TTC13: variants seen among roughly 807,000 people sequenced by gnomAD.
The protein encoded by TTC13 is tetratricopeptide repeat domain 13, also known as tetratricopeptide repeat protein 13.
In TTC13, 62 loss-of-function variants were observed where a neutral mutation model predicts 120.0. The observed-to-expected ratio is 0.52, with a 90% confidence interval of 0.42 to 0.64. The LOEUF is 0.64. Among genes scored for constraint, TTC13 ranks in the 30% least tolerant of loss-of-function variants. TTC13 has a pLI of 0.00. For missense variants in TTC13, 824 were observed against 1,050.2 expected (o/e 0.78, Z 2.98); for synonymous variants, 384 against 393.5 (o/e 0.98, Z 0.28).
Position 230,940,038 on chromosome 1 carries a change from A to G in TTC13, c.789+402T>C, listed in dbSNP as rs2102874391. On this transcript the variant is annotated intron_variant, in intron 7 of 22. Coordinates refer to ENST00000366661, the MANE Select transcript of TTC13 (RefSeq NM_024525.5). The surrounding 1 kb of genome is among the most constrained non-coding windows in gnomAD (Gnocchi z 4.1). ...AAGCTACAGTCTGGAAAGCCATGCT[A>G]GTTCAGGGTGTGTTTCTTGGGCTGT... Among the ~76,000 whole-genome samples, 1 of 152,318 alleles carries G rather than the reference A, an allele frequency of 6.6e-6. No homozygotes were observed. Among genetic ancestry groups the G allele is most frequent in the East Asian group, 1.9e-4 (1 of 5,184 alleles).
At chr1:230,914,767 T>A (rs1187510270) in intron 18 of TTC13, among the ~76,000 whole-genome samples, 2 of 152,082 alleles carry the variant, frequency 1.3e-5, no homozygotes, top group Non-Finnish European at 2.9e-5. Flanking sequence ...ATATAACATA[T>A]AAAATATATG....
chr1:230,919,015 A>G (rs1395485669), intron 17 of TTC13, among the ~76,000 whole-genome samples: 1 of 152,208 alleles, frequency 6.6e-6, no homozygotes, highest in Non-Finnish European at 1.5e-5. Flanking sequence ...TCACACAGTT[A>G]TAATTCTTAA....
At chr1:230,936,342 T>C (rs543079744) in intron 8 of TTC13, 2 of 429,528 alleles carry the variant, frequency 4.7e-6, no homozygotes, top group Admixed American at 5.3e-5. Flanking sequence ...TGAATCAATC[T>C]CTAAGCATAT....
At position 230,978,836 on chromosome 1, in the gene TTC13, C is replaced by T. The variant is rs1678679832; in HGVS notation, c.-6G>A. The T allele has an allele frequency of 4.1e-6, 6 of 1,469,412 alleles. No individual in the cohort carries two copies. Among genetic ancestry groups the T allele is most frequent in the Non-Finnish European group, 5.4e-6 (6 of 1,120,882 alleles). The allele number at this position is 1,469,412 out of a possible 1,614,324, so 91.0% of individuals were successfully genotyped here. On this transcript the variant is annotated 5_prime_UTR_variant, in exon 1 of 23. Transcript: ENST00000366661. This position sits in a 1 kb window ranked among gnomAD's most constrained non-coding sequence, Gnocchi z 5.6. ...CAGCAGCCGGCAGGTGCCATCTTCCCTCAAGGCGCATGCGCGACAGCCCTT... is the reference window on the plus strand; with the variant it reads ...CAGCAGCCGGCAGGTGCCATCTTCCTTCAAGGCGCATGCGCGACAGCCCTT...
In TTC13 at chr1:230,940,758, G is replaced by A. The variant is rs1674465081; in HGVS notation, c.673-202C>T. On this transcript the variant is annotated intron_variant, in intron 6 of 22. Coordinates refer to ENST00000366661, the MANE Select transcript of TTC13 (RefSeq NM_024525.5). The surrounding 1 kb of genome is among the most constrained non-coding windows in gnomAD (Gnocchi z 4.1). ...CACTAATCTTTGTCCAGTCAAGCAG[G>A]AGGCTGATGAACTATGACTGCAGCA... 6.6e-6 allele frequency among the ~76,000 whole-genome samples: 1 copy of A among 152,176 alleles called. No homozygotes were observed. Among genetic ancestry groups the A allele is most frequent in the African/African-American group, 2.4e-5 (1 of 41,440 alleles).
intron 6 of TTC13, among the ~76,000 whole-genome samples, chr1:230,941,318 C>A (rs1409315225): frequency 3.3e-5 from 5 of 152,124 alleles, no homozygotes; most frequent in African/African-American, 1.2e-4. Flanking sequence ...GTTTTAGAGA[C>A]AGGGTCTCAC....
Position 230,931,456 on chromosome 1 carries a change from T to G in TTC13, c.1142A>C (p.Glu381Ala), listed in dbSNP as rs1215440931. The G allele has an allele frequency of 1.2e-6, 2 of 1,614,000 alleles. No homozygotes were observed. Among genetic ancestry groups the G allele is most frequent in the Non-Finnish European group, 1.7e-6 (2 of 1,180,038 alleles). The change falls in exon 11 of 23, where the codon GAG becomes GCG. Residue 381 changes from glutamate to alanine, a missense_variant. Around this residue, in one of 4 missense-constraint regions of TTC13, gnomAD observed 430 missense variants for 626.8 expected, o/e 0.69. Coordinates refer to ENST00000366661, the MANE Select transcript of TTC13 (RefSeq NM_024525.5). The part of the protein sequence containing the change: ...LKNFKRCLQL[E>A]PYNEVCQYMK... ...ATACTGGCACACTTCATTATATGGCTCTAGCTGCAGACACCGCTGAGGACA... is the reference window on the plus strand; with the variant it reads ...ATACTGGCACACTTCATTATATGGCGCTAGCTGCAGACACCGCTGAGGACA...
rs779713551 is a variant in TTC13, at chr1:230,945,365, C to A, written c.579+24G>T. ...GTGTCAGGTCATGTAGGCGCTATGG[C>A]AATCGTAACTATTACATACTCACAT... On this transcript the variant is annotated intron_variant, in intron 5 of 22. Transcript: ENST00000366661. 9 of 1,608,610 alleles carry A rather than the reference C, an allele frequency of 5.6e-6. No individual in the cohort carries two copies. The African/African-American group carries it at 1.2e-4, about 22-fold the overall frequency.
intron 11 of TTC13, among the ~76,000 whole-genome samples, chr1:230,929,733 G>C (rs1673377041): frequency 6.6e-6 from 1 of 152,128 alleles, no homozygotes; most frequent in African/African-American, 2.4e-5. Context: ...CTGTCAACTG[G>C]TATATAGATT....
intron 18 of TTC13, among the ~76,000 whole-genome samples, chr1:230,915,514 A>G (rs1384159081): frequency 1.3e-5 from 2 of 152,170 alleles, no homozygotes; most frequent in Non-Finnish European, 2.9e-5. Context: ...AATGAGAAAT[A>G]CCCTAAGTGG....
chr1:230,963,715 G>A (rs771354572), intron 1 of TTC13, among the ~76,000 whole-genome samples: 4 of 152,022 alleles, frequency 2.6e-5, no homozygotes, highest in African/African-American at 9.7e-5. Context: ...GCAGAGAAAG[G>A]GAAGGGGTAT....
At chr1:230,918,738 A>G (rs1225462261) in intron 17 of TTC13, among the ~76,000 whole-genome samples, 1 of 152,274 alleles carries the variant, frequency 6.6e-6, no homozygotes, top group Admixed American at 6.5e-5. Flanking sequence ...AGGCTCATCC[A>G]CACCCACCCA....
At chr1:230,958,039 C>CT (rs59207624) in intron 3 of TTC13, among the ~76,000 whole-genome samples, 185 bp downstream of exon 3, 169 of 150,828 alleles carry the variant, frequency 1.1e-3, no homozygotes, top group East Asian at 6.0e-3. Context: ...CCATCCAAAC[C>CT]TTTTTTTTTT....
chr1:230,961,169 T>C (rs1676602490), intron 2 of TTC13, 40 bp downstream of exon 2: 1 of 1,545,968 alleles, frequency 6.5e-7, no homozygotes, highest in East Asian at 2.2e-5. Flanking sequence ...ATCACTGGGC[T>C]TCAGGTTACA....
At chr1:230,923,965 G>T (rs41304010) in intron 14 of TTC13, 32 bp from the exon 15 acceptor site, 5 of 1,537,226 alleles carry the variant, frequency 3.3e-6, no homozygotes, top group Non-Finnish European at 3.6e-6. Flanking sequence ...AAAACCAGAA[G>T]TGTTCAGAAG....
chr1:230,914,767 T>C (rs1187510270), intron 18 of TTC13, among the ~76,000 whole-genome samples: 1 of 152,082 alleles, frequency 6.6e-6, no homozygotes, highest in Non-Finnish European at 1.5e-5. Flanking sequence ...ATATAACATA[T>C]AAAATATATG....
chr1:230,972,247 C>T (rs1260017914), intron 1 of TTC13, among the ~76,000 whole-genome samples: 1 of 152,260 alleles, frequency 6.6e-6, no homozygotes, highest in Non-Finnish European at 1.5e-5. Flanking sequence ...TGGAATGAGA[C>T]TATCGGCAAT....
chr1:230,908,180 T>A (rs1671128568), intron 22 of TTC13, among the ~76,000 whole-genome samples: 1 of 152,232 alleles, frequency 6.6e-6, no homozygotes, highest in Non-Finnish European at 1.5e-5. Context: ...AACTACTTTT[T>A]AAATTTTTTA....
intron 15 of TTC13, among the ~76,000 whole-genome samples, 153 bp downstream of exon 15, chr1:230,923,688 G>A (rs2102800967): frequency 6.6e-6 from 1 of 152,270 alleles, no homozygotes; most frequent in Middle Eastern, 3.4e-3. Flanking sequence ...GGAAAGGAAT[G>A]CAGGCAGGAC....
Sources: gnomAD v4.1 joint callset for allele counts (sites outside exome capture counted in the v4.1 genomes callset) on GRCh38, gnomAD v4.1.1 for gene constraint, gnomAD v4.1.1 regional missense constraint, Gnocchi (gnomAD v3.1) non-coding constraint, MANE v1.5 for transcripts, NCBI Gene and HGNC (gene_info 2026-07-23, HGNC 2026-07-21) for gene names.